The following OPCML variants were observed in gnomAD, a reference collection of about 807,000 sequenced individuals.
OPCML encodes the protein opioid binding protein/cell adhesion molecule like, also known as opioid-binding protein/cell adhesion molecule.
In OPCML, 13 loss-of-function variants were observed where a neutral mutation model predicts 37.8. The observed-to-expected ratio is 0.34, with a 90% CI of 0.22 to 0.55. The LOEUF is 0.55. OPCML is among the 20% of genes least tolerant of loss of function. OPCML has a pLI of 0.91. For missense variants in OPCML, 341 were observed against 435.6 expected, an observed-to-expected ratio of 0.78 and a Z score of 1.93; for synonymous variants, 176 against 168.8, an observed-to-expected ratio of 1.04 and a Z score of -0.33.
intron 4 of OPCML, among the ~76,000 whole-genome samples, chr11:132,523,674 T>C (rs2096300296): frequency 6.6e-6 from 1 of 152,218 alleles, no homozygotes; most frequent in Non-Finnish European, 1.5e-5. Context: ...GTCATATTCC[T>C]AGTTATCCCA....
rs1319690520 is a variant in OPCML, at chr11:132,595,197, G to A, written c.379+61890C>T. ...AAAAAGGTGGTACATCAGGAAAGGG[G>A]AGGGGGAGGTCGGGGAGGTAGGGAA... On this transcript the variant is annotated intron_variant, in intron 3 of 7. Transcript: ENST00000524381. Among the ~76,000 whole-genome samples the A allele has an allele frequency of 3.3e-5, 5 of 152,246 alleles. No homozygotes were observed. The South Asian group carries it at 8.3e-4, about 25-fold the overall frequency.
At chr11:133,492,302 C>T (rs182213295) in intron 1 of OPCML, among the ~76,000 whole-genome samples, 70 of 152,290 alleles carry the variant, frequency 4.6e-4, no homozygotes, top group Non-Finnish European at 9.3e-4. Flanking sequence ...ACATGTGTTT[C>T]CTACTGAATG....
Position 133,290,337 on chromosome 11 carries a change from G to A in OPCML, c.61+241927C>T, listed in dbSNP as rs748512432. ...TTAGAGAGGTGACCCTCAGCAGAGC[G>A]TGGTGCCTGTAATTCAGATCACCTC... is the stretch of plus-strand genomic sequence containing the variant. On this transcript the variant is annotated intron_variant, in intron 1 of 7. Transcript: ENST00000524381. 3.9e-5 allele frequency among the ~76,000 whole-genome samples: 6 copies of A among 152,294 alleles called. No homozygotes were observed. The South Asian group carries it at 6.2e-4, about 16-fold the overall frequency.
At chr11:133,000,280 T>C (rs775560073) in intron 1 of OPCML, among the ~76,000 whole-genome samples, 2 of 151,694 alleles carry the variant, frequency 1.3e-5, no homozygotes, top group South Asian at 2.1e-4. Context: ...ACCCAACGAG[T>C]TTTTGTATTT....
intron 1 of OPCML, among the ~76,000 whole-genome samples, chr11:133,437,955 C>A (rs905619937): frequency 6.6e-6 from 1 of 151,810 alleles, no homozygotes; most frequent in African/African-American, 2.4e-5. Context: ...ATTTTGCCAT[C>A]CATAAATACT....
At position 132,517,059 on chromosome 11, in the gene OPCML, C is replaced by T. The variant is rs189833450; in HGVS notation, c.505+12002G>A. ...AGGTCTTTTCACAGCTGGTTAGGCC[C>T]CAGTCACCTTGTGGTACCATGTACG... On this transcript the variant is annotated intron_variant, in intron 4 of 7. Coordinates refer to ENST00000524381, the MANE Select transcript of OPCML (RefSeq NM_001012393.5). Among the ~76,000 whole-genome samples the T allele has an allele frequency of 9.2e-5, 14 of 152,254 alleles. No individual in the cohort carries two copies. The East Asian group carries it at 2.5e-3, about 27-fold the overall frequency.
At chr11:133,266,371 T>C (rs1941659994) in intron 1 of OPCML, among the ~76,000 whole-genome samples, 1 of 152,134 alleles carries the variant, frequency 6.6e-6, no homozygotes, top group Non-Finnish European at 1.5e-5. Context: ...ACCCCCAATC[T>C]TTCATGACTC....
chr11:133,251,911 G>A (rs1941147522), intron 1 of OPCML, among the ~76,000 whole-genome samples: 1 of 152,150 alleles, frequency 6.6e-6, no homozygotes, highest in Admixed American at 6.5e-5. Flanking sequence ...CAAAATGCTG[G>A]GGTAGGTGAG....
At chr11:133,526,239 C>G (rs1948488275) in intron 1 of OPCML, among the ~76,000 whole-genome samples, 1 of 152,230 alleles carries the variant, frequency 6.6e-6, no homozygotes, top group South Asian at 2.1e-4. Context: ...GTGTCTGGCA[C>G]AGGCAGCCTG....
chr11:133,218,096 C>T (rs1300724382), intron 1 of OPCML, among the ~76,000 whole-genome samples: 1 of 150,978 alleles, frequency 6.6e-6, no homozygotes, highest in Non-Finnish European at 1.5e-5. Context: ...GAACCTGCTT[C>T]ACGCCGGGGT....
intron 1 of OPCML, among the ~76,000 whole-genome samples, chr11:132,944,006 CGG>C (rs1945677962): frequency 2.6e-5 from 4 of 151,828 alleles, no homozygotes; most frequent in Admixed American, 2.6e-4. Context: ...AGCGGGCTGG[CGG>C]GCGGCGCGGA....
intron 1 of OPCML, among the ~76,000 whole-genome samples, chr11:133,487,933 G>A (rs540364864): frequency 6.6e-6 from 1 of 152,184 alleles, no homozygotes; most frequent in South Asian, 2.1e-4. Flanking sequence ...CCATCATCAG[G>A]TGGGATTCAT....
At chr11:132,502,560 A>T (rs2096247869) in intron 4 of OPCML, among the ~76,000 whole-genome samples, 1 of 152,180 alleles carries the variant, frequency 6.6e-6, no homozygotes, top group Non-Finnish European at 1.5e-5. Flanking sequence ...GCCACGGAAT[A>T]CAGTTGCAAT....
chr11:132,552,578 A>G (rs2096384345), intron 3 of OPCML, among the ~76,000 whole-genome samples: 1 of 152,156 alleles, frequency 6.6e-6, no homozygotes. Flanking sequence ...TCAGAGACAT[A>G]TGGAGATAAC....
At chr11:132,629,862 C>T (rs1939984532) in intron 3 of OPCML, among the ~76,000 whole-genome samples, 1 of 152,000 alleles carries the variant, frequency 6.6e-6, no homozygotes, top group African/African-American at 2.4e-5. Flanking sequence ...AAATAAAAGG[C>T]ACTAATAAGT....
chr11:132,583,335 G>T (rs559636224), intron 3 of OPCML, among the ~76,000 whole-genome samples: 1 of 152,220 alleles, frequency 6.6e-6, no homozygotes, highest in Non-Finnish European at 1.5e-5. Flanking sequence ...GCCTTGCTCT[G>T]TTGGCCAGAC....
rs1832209860 is a variant in OPCML at position 133,494,240 on chromosome 11, T to C, written c.61+38024A>G. Reference sequence around the variant, plus strand: ...GAAACAACAGGTGCTGGACAGGATGTGGAGAAATAGGAACACTTTTACACT... The same window carrying C: ...GAAACAACAGGTGCTGGACAGGATGCGGAGAAATAGGAACACTTTTACACT... On this transcript the variant is annotated intron_variant, in intron 1 of 7. Coordinates refer to ENST00000524381, the MANE Select transcript of OPCML (RefSeq NM_001012393.5). 2.6e-5 allele frequency among the ~76,000 whole-genome samples: 4 copies of C among 152,074 alleles called. No homozygotes were observed. The South Asian group carries it at 8.3e-4, about 32-fold the overall frequency.
At position 132,427,328 on chromosome 11, in the gene OPCML, G is replaced by A. The variant is rs147334534; in HGVS notation, c.917-7035C>T. On this transcript the variant is annotated intron_variant, in intron 7 of 7. Coordinates refer to ENST00000524381, the MANE Select transcript of OPCML (RefSeq NM_001012393.5). Reference sequence around the variant, plus strand: ...GAACCAAGAGGATAATGATGTTCTTGGTGATTAAAAGAGGAGCAAAGAAAT... The same window carrying A: ...GAACCAAGAGGATAATGATGTTCTTAGTGATTAAAAGAGGAGCAAAGAAAT... Among the ~76,000 whole-genome samples the A allele has an allele frequency of 5.4e-3, 824 of 152,256 alleles. 4 individuals are homozygous for A. Among genetic ancestry groups the A allele is most frequent in the Non-Finnish European group, 7.4e-3 (502 of 68,020 alleles).
chr11:132,859,859 C>A (rs551889408), intron 2 of OPCML, among the ~76,000 whole-genome samples: 5 of 152,250 alleles, frequency 3.3e-5, no homozygotes, highest in African/African-American at 1.2e-4. Flanking sequence ...ATTTTCTCAA[C>A]GGTACTATGG....
Sources: gnomAD v4.1 joint callset for allele counts (sites outside exome capture counted in the v4.1 genomes callset) on GRCh38, gnomAD v4.1.1 for gene constraint, MANE v1.5 for transcripts, NCBI Gene and HGNC (gene_info 2026-07-23, HGNC 2026-07-21) for gene names.